Variants in STAU1 observed in about 807,000 individuals in gnomAD.
The protein encoded by STAU1 is double-stranded RNA-binding protein Staufen homolog 1.
Under a neutral mutation model 62.9 loss-of-function variants are expected in STAU1, and 13 were observed. That is an observed-to-expected ratio of 0.21 (90% CI 0.13 to 0.33). The LOEUF is 0.33. STAU1 is among the 10% of genes least tolerant of loss of function. STAU1 has a pLI of 1.00. For missense variants in STAU1, 571 were observed against 712.1 expected, an observed-to-expected ratio of 0.80 and a Z score of 2.25; for synonymous variants, 269 against 265.1, an observed-to-expected ratio of 1.01 and a Z score of -0.14.
chr20:49,214,962 G>A, the STAU1 span, among the ~76,000 whole-genome samples: 1 of 152,164 alleles, frequency 6.6e-6, no homozygotes, highest in Admixed American at 6.6e-5. Context: ...AAACAACAGT[G>A]GTTTCAACAA....
At chr20:49,156,222 T>C (rs1055357093) in intron 3 of STAU1, among the ~76,000 whole-genome samples, 1 of 152,230 alleles carries the variant, frequency 6.6e-6, no homozygotes, top group Non-Finnish European at 1.5e-5. Context: ...TGCTAATCTA[T>C]ACACTCTTAT....
At chr20:49,152,984 C>T (rs1214529974) in intron 4 of STAU1, among the ~76,000 whole-genome samples, 1 of 152,046 alleles carries the variant, frequency 6.6e-6, no homozygotes, top group Non-Finnish European at 1.5e-5. Context: ...GGCGTGGTGG[C>T]TCATGCCTGT....
intron 6 of STAU1, among the ~76,000 whole-genome samples, chr20:49,126,053 C>T (rs2092605517): frequency 6.6e-6 from 1 of 151,706 alleles, no homozygotes. Flanking sequence ...TTACAATCTC[C>T]AAATGGACCA....
chr20:49,146,830 T>C (rs113749132), intron 5 of STAU1, among the ~76,000 whole-genome samples: 1,896 of 152,104 alleles, frequency 0.012, 48 homozygotes, highest in African/African-American at 0.042. Context: ...ATATGAGATA[T>C]CTCACTCTGG....
the STAU1 span, among the ~76,000 whole-genome samples, chr20:49,211,475 C>T: frequency 6.6e-6 from 1 of 151,396 alleles, no homozygotes; most frequent in South Asian, 2.1e-4. Context: ...TTGAGCTCCT[C>T]TCCTCAAGTG....
the STAU1 span, among the ~76,000 whole-genome samples, chr20:49,199,872 C>G: frequency 6.6e-6 from 1 of 151,990 alleles, no homozygotes; most frequent in African/African-American, 2.4e-5. Context: ...CTGCACCCGG[C>G]CATATTTTTT....
chr20:49,115,810 G>T lies in STAU1; in HGVS notation c.1690C>A (p.Pro564Thr). Residue 564 changes from proline to threonine, a missense_variant, in exon 13 of 14, where the codon CCA (proline) becomes ACA (threonine). Coordinates refer to ENST00000371856, the MANE Select transcript of STAU1 (RefSeq NM_017453.4). ...GACATTGGTCCGTTTCCTGTTCTTGGCATCTCTGTACTTTGTTGGTCCAAC... is the reference window on the plus strand; with the variant it reads ...GACATTGGTCCGTTTCCTGTTCTTGTCATCTCTGTACTTTGTTGGTCCAAC... ...SELDQQSTEM[P>T]RTGNGPMSVC... The T allele has an allele frequency of 2.5e-6, 4 of 1,614,006 alleles. No individual in the cohort carries two copies. Among genetic ancestry groups the T allele is most frequent in the Non-Finnish European group, 3.4e-6 (4 of 1,179,972 alleles).
upstream of STAU1, among the ~76,000 whole-genome samples, chr20:49,189,619 CAAAAAA>C (rs71186430): frequency 3.6e-3 from 199 of 55,334 alleles, no homozygotes; most frequent in Non-Finnish European, 4.6e-3. Flanking sequence ...GACTCTGTCT[CAAAAAA>C]AAAAAAAAAA....
chr20:49,212,861 G>A, the STAU1 span, among the ~76,000 whole-genome samples: 6 of 152,174 alleles, frequency 3.9e-5, no homozygotes, highest in South Asian at 4.1e-4. Context: ...GCCTCCCAAA[G>A]TGCTGGGATT....
At chr20:49,162,513 G>A (rs1303372129) in intron 3 of STAU1, among the ~76,000 whole-genome samples, 1 of 152,172 alleles carries the variant, frequency 6.6e-6, no homozygotes, top group African/African-American at 2.4e-5. Context: ...GGTGGCTCAC[G>A]CCTGTAATCC....
chr20:49,145,235 C>A (rs2093101389), intron 5 of STAU1, among the ~76,000 whole-genome samples: 1 of 151,004 alleles, frequency 6.6e-6, no homozygotes, highest in South Asian at 2.1e-4. Context: ...ATGAGCCTGG[C>A]CAACATGGTG....
At chr20:49,140,626 T>A (rs1189608466) in intron 5 of STAU1, among the ~76,000 whole-genome samples, 1 of 151,932 alleles carries the variant, frequency 6.6e-6, no homozygotes, top group African/African-American at 2.4e-5. Flanking sequence ...AAAGTAGAGG[T>A]TACCAAGGGC....
Position 49,124,383 on chromosome 20 carries a change from T to C in STAU1, c.814A>G (p.Ile272Val), listed in dbSNP as rs201912823. 250 of 1,613,748 alleles carry C rather than the reference T, an allele frequency of 1.5e-4. No individual in the cohort carries two copies. Among genetic ancestry groups the C allele is most frequent in the Non-Finnish European group, 2.1e-4 (243 of 1,179,966 alleles). ...TTCAGAAAAGTTCTCACCTTGACTA[T>C]GGGTTTTGTTTTCTTTTTGATTCTA... The part of the protein sequence containing the change: ...KPRIKKKTKP[I>V]VKPQTSPEYG... Residue 272 changes from isoleucine (I) to valine (V), a missense_variant, in exon 7 of 14, where the codon ATA (isoleucine) becomes GTA (valine). Coordinates refer to ENST00000371856, the MANE Select transcript of STAU1 (RefSeq NM_017453.4).
At chr20:49,175,451 A>G (rs537254) in intron 1 of STAU1, among the ~76,000 whole-genome samples, 111,207 of 152,072 alleles carry the variant, frequency 0.73, 41,485 homozygotes, top group African/African-American at 0.87. Context: ...TGAGAGTAAT[A>G]TGAATATCTC....
intron 1 of STAU1, among the ~76,000 whole-genome samples, chr20:49,178,909 TA>T (rs11324304): frequency 0.35 from 40,122 of 116,166 alleles, 6,299 homozygotes; most frequent in Non-Finnish European, 0.38. Context: ...CCGTCTCCAC[TA>T]AAAAAAAAAA....
intron 12 of STAU1, among the ~76,000 whole-genome samples, chr20:49,116,706 G>C (rs2092334395): frequency 6.6e-6 from 1 of 152,112 alleles, no homozygotes; most frequent in African/African-American, 2.4e-5. Flanking sequence ...TAGATTTGTT[G>C]ATCTGATCAA....
At chr20:49,174,706 G>C (rs1236485633) in intron 1 of STAU1, among the ~76,000 whole-genome samples, 3 of 152,218 alleles carry the variant, frequency 2.0e-5, no homozygotes, top group Admixed American at 2.0e-4. Context: ...GGGAGGCCGA[G>C]GCGGGTGGAT....
chr20:49,181,098 T>C lies in STAU1; in HGVS notation c.-159-6829A>G, dbSNP rs544503101. ...GCATCAGCATCCTCAGCAATTATTA[T>C]GAGCTTTACGCTGCAAAGATGTTTA... On this transcript the variant is annotated intron_variant, in intron 1 of 13. Coordinates refer to ENST00000371856, the MANE Select transcript of STAU1 (RefSeq NM_017453.4). Among the ~76,000 whole-genome samples, 5 of 152,332 alleles carry C rather than the reference T, an allele frequency of 3.3e-5. No homozygotes were observed. The South Asian group carries it at 8.3e-4, about 25-fold the overall frequency.
intron 1 of STAU1, among the ~76,000 whole-genome samples, chr20:49,180,135 CTAAA>C (rs2093705247): frequency 6.6e-6 from 1 of 152,148 alleles, no homozygotes; most frequent in Non-Finnish European, 1.5e-5. Context: ...GGAAGCTGTA[CTAAA>C]TACTCCCAAC....
Sources: allele counts gnomAD v4.1 joint callset (sites outside exome capture counted in the v4.1 genomes callset), GRCh38; gene constraint gnomAD v4.1.1; transcripts MANE v1.5; gene names NCBI Gene and HGNC (gene_info 2026-07-23, HGNC 2026-07-21).